ENPP6: variants seen among roughly 807,000 people sequenced by gnomAD.
The protein encoded by ENPP6 is ectonucleotide pyrophosphatase/phosphodiesterase 6.
Under a neutral mutation model 42.0 loss-of-function variants are expected in ENPP6, and 32 were observed. The ratio of observed to expected loss-of-function variants is 0.76; its 90% CI spans 0.58 to 1.02. The LOEUF (loss-of-function observed/expected upper bound fraction) is 1.02. Among genes scored for constraint, ENPP6 ranks in the 50% least tolerant of loss-of-function variants. The probability of loss-of-function intolerance (pLI) is 0.00; values close to 1 mark genes in which losing one functional copy is unlikely to be tolerated. For missense variants in ENPP6, 552 were observed against 566.8 expected (o/e 0.97, Z 0.27); for synonymous variants, 213 against 216.0 (o/e 0.99, Z 0.12).
At chr4:184,172,772 C>T (rs1310086872) in intron 1 of ENPP6, among the ~76,000 whole-genome samples, 2 of 152,128 alleles carry the variant, frequency 1.3e-5, no homozygotes, top group Non-Finnish European at 2.9e-5. Flanking sequence ...TGCAATCTCA[C>T]TTTTCTTGGC....
chr4:184,106,423 T>A (rs1736094247), intron 6 of ENPP6, among the ~76,000 whole-genome samples: 1 of 152,148 alleles, frequency 6.6e-6, no homozygotes, highest in Non-Finnish European at 1.5e-5. Context: ...TGTTGCCACG[T>A]CCCCTCTCCC....
At chr4:184,155,792 A>G (rs1390671332) in intron 1 of ENPP6, among the ~76,000 whole-genome samples, 1 of 152,236 alleles carries the variant, frequency 6.6e-6, no homozygotes, top group Admixed American at 6.5e-5. Flanking sequence ...TAAAGTACAT[A>G]TAATCTATAC....
chr4:184,123,167 G>A (rs955309023), intron 3 of ENPP6, among the ~76,000 whole-genome samples: 1 of 152,214 alleles, frequency 6.6e-6, no homozygotes, highest in South Asian at 2.1e-4. Flanking sequence ...TCACAGCTCT[G>A]TGGGGGTGGC....
chr4:184,129,684 G>T (rs1349458894), intron 2 of ENPP6, among the ~76,000 whole-genome samples: 2 of 152,188 alleles, frequency 1.3e-5, no homozygotes, highest in African/African-American at 2.4e-5. Context: ...GCAATTTAAA[G>T]ATTTGATAAT....
At chr4:184,180,086 GTTTT>G (rs56148034) in intron 1 of ENPP6, among the ~76,000 whole-genome samples, 1 of 66,080 alleles carries the variant, frequency 1.5e-5, no homozygotes, top group Non-Finnish European at 4.5e-5. Context: ...TCCAGGAGCT[GTTTT>G]TTTGACAAAA....
intron 7 of ENPP6, among the ~76,000 whole-genome samples, chr4:184,094,674 T>C (rs1165209468): frequency 6.6e-6 from 1 of 152,262 alleles, no homozygotes; most frequent in Non-Finnish European, 1.5e-5. Flanking sequence ...GAGGTGTGTC[T>C]CTTACAGAGA....
At chr4:184,207,396 G>T (rs1045185177) in intron 1 of ENPP6, among the ~76,000 whole-genome samples, 7 of 152,182 alleles carry the variant, frequency 4.6e-5, no homozygotes, top group African/African-American at 1.7e-4. Context: ...CCATGACCTG[G>T]ATTGAACAAA....
intron 2 of ENPP6, among the ~76,000 whole-genome samples, chr4:184,141,130 G>T (rs183560382): frequency 6.6e-6 from 1 of 152,212 alleles, no homozygotes; most frequent in Non-Finnish European, 1.5e-5. Flanking sequence ...GTGAATTTGC[G>T]TGGGAGCTTT....
chr4:184,217,390 G>C (rs757289682), intron 1 of ENPP6, among the ~76,000 whole-genome samples, 189 bp downstream of exon 1: 3 of 152,130 alleles, frequency 2.0e-5, no homozygotes, highest in Non-Finnish European at 4.4e-5. Flanking sequence ...GATAACTTTT[G>C]GGAAACAATA....
intron 1 of ENPP6, among the ~76,000 whole-genome samples, chr4:184,158,274 C>T (rs1174525487): frequency 2.0e-5 from 3 of 152,196 alleles, no homozygotes; most frequent in African/African-American, 7.2e-5. Context: ...TCTCTGAAGC[C>T]TCCATTGCCT....
chr4:184,177,778 A>G (rs1732465735), intron 1 of ENPP6, among the ~76,000 whole-genome samples: 2 of 152,234 alleles, frequency 1.3e-5, no homozygotes, highest in Admixed American at 1.3e-4. Flanking sequence ...ACCCTACAGA[A>G]GAGGGGCCTG....
chr4:184,145,081 G>A (rs374698550), intron 2 of ENPP6, among the ~76,000 whole-genome samples: 12 of 152,360 alleles, frequency 7.9e-5, no homozygotes, highest in African/African-American at 2.6e-4. Context: ...AGCAGCCTGA[G>A]AAGGGCCTTC....
intron 1 of ENPP6, among the ~76,000 whole-genome samples, chr4:184,178,670 C>T (rs954709025): frequency 1.3e-5 from 2 of 152,220 alleles, no homozygotes; most frequent in Non-Finnish European, 2.9e-5. Flanking sequence ...AGATTAACAG[C>T]AGACCTCTCA....
At chr4:184,142,119 G>A (rs1736834409) in intron 2 of ENPP6, among the ~76,000 whole-genome samples, 1 of 152,172 alleles carries the variant, frequency 6.6e-6, no homozygotes, top group South Asian at 2.1e-4. Flanking sequence ...TGTGCGCACT[G>A]CCTTCCTGAA....
At chr4:184,182,901 A>G (rs551247680) in intron 1 of ENPP6, among the ~76,000 whole-genome samples, 1 of 152,292 alleles carries the variant, frequency 6.6e-6, no homozygotes, top group South Asian at 2.1e-4. Flanking sequence ...TAGCTAATGC[A>G]TGCTGGGCTT....
chr4:184,120,319 G>A (rs996334237), intron 3 of ENPP6, among the ~76,000 whole-genome samples: 1 of 152,214 alleles, frequency 6.6e-6, no homozygotes, highest in African/African-American at 2.4e-5. Flanking sequence ...GCACCACTGA[G>A]GCTCTGGGAT....
intron 1 of ENPP6, among the ~76,000 whole-genome samples, chr4:184,212,608 G>A (rs1037845643): frequency 2.0e-5 from 3 of 151,506 alleles, no homozygotes; most frequent in Non-Finnish European, 2.9e-5. Context: ...ACAAATGGAA[G>A]AACATTCCAT....
At chr4:184,166,013 G>T (rs1484216978) in intron 1 of ENPP6, among the ~76,000 whole-genome samples, 2 of 152,308 alleles carry the variant, frequency 1.3e-5, no homozygotes, top group Middle Eastern at 3.4e-3. Context: ...AGACTTGAAA[G>T]AATTAACAAT....
chr4:184,097,310 C>T lies in ENPP6; in HGVS notation c.1052G>A (p.Arg351His), dbSNP rs1735928296. Residue 351 changes from arginine (R) to histidine (H), a missense_variant, in exon 7 of 8, where the codon CGT becomes CAT. Physicochemically the swap from Arg to His is conservative, Grantham distance 29. Around this residue, in one of 2 missense-constraint regions of ENPP6, gnomAD observed 545 missense variants for 546.3 expected, o/e 1.00. Transcript: ENST00000296741. ...CTCGTTGTCGTAGCCGTGCCATCCA[C>T]GCTGCCAACCTTCCCGCCTGCCGGT... ...NSTGRREGWQ[R>H]GWHGYDNELM... is the part of the protein sequence containing the mutation. The T allele has an allele frequency of 6.2e-7, 1 of 1,614,088 alleles. No homozygotes were observed. The highest frequency in any genetic ancestry group is 1.3e-5 in the African/African-American group (1 of 74,928).
Sources: allele counts gnomAD v4.1 joint callset (sites outside exome capture counted in the v4.1 genomes callset), GRCh38; gene constraint gnomAD v4.1.1; regional missense constraint gnomAD v4.1.1; transcripts MANE v1.5; gene names NCBI Gene and HGNC (gene_info 2026-07-23, HGNC 2026-07-21).